The following AKAP19 variants were observed in gnomAD, a reference collection of about 807,000 sequenced individuals.
The protein encoded by AKAP19 is small A-kinase anchoring protein.
the AKAP19 span, among the ~76,000 whole-genome samples, chr2:190,132,333 G>A: frequency 3.3e-5 from 5 of 152,036 alleles, no homozygotes; most frequent in Non-Finnish European, 5.9e-5. Flanking sequence ...CCTGAATAGC[G>A]AATGCAATCT....
At chr2:190,070,216 A>G in the AKAP19 span, among the ~76,000 whole-genome samples, 18 of 152,176 alleles carry the variant, frequency 1.2e-4, no homozygotes, top group African/African-American at 4.1e-4. Flanking sequence ...ATGTCTACTG[A>G]CTAAATGTAC....
At chr2:189,907,230 C>T in the AKAP19 span, among the ~76,000 whole-genome samples, 1 of 152,064 alleles carries the variant, frequency 6.6e-6, no homozygotes, top group African/African-American at 2.4e-5. Flanking sequence ...ATATATGGGT[C>T]CCACTCCCCA....
the AKAP19 span, among the ~76,000 whole-genome samples, chr2:190,194,475 TATACACACACACAC>T: frequency 4.1e-3 from 518 of 126,904 alleles, 1 homozygote; most frequent in African/African-American, 0.016. Flanking sequence ...GTATCCTGTG[TATACACACACACAC>T]ACACACACAC....
At chr2:190,051,720 T>C in the AKAP19 span, among the ~76,000 whole-genome samples, 1 of 152,316 alleles carries the variant, frequency 6.6e-6, no homozygotes, top group East Asian at 1.9e-4. Context: ...CAGGTCTTGG[T>C]AGATTCTAGA....
chr2:189,899,837 A>G, the AKAP19 span, among the ~76,000 whole-genome samples: 1 of 152,076 alleles, frequency 6.6e-6, no homozygotes, highest in African/African-American at 2.4e-5. Flanking sequence ...TTTTAGATTA[A>G]TTCATGAATT....
the AKAP19 span, among the ~76,000 whole-genome samples, chr2:190,006,541 T>A: frequency 1.3e-5 from 2 of 148,634 alleles, no homozygotes; most frequent in East Asian, 4.0e-4. Flanking sequence ...TCCCAGCTAC[T>A]GGGGAGGCTG....
At chr2:189,997,897 C>G in the AKAP19 span, among the ~76,000 whole-genome samples, 6 of 152,176 alleles carry the variant, frequency 3.9e-5, no homozygotes, top group Admixed American at 3.9e-4. Flanking sequence ...ATTCTGCCAG[C>G]TGCCTTCCCC....
At chr2:189,988,042 G>C in the AKAP19 span, among the ~76,000 whole-genome samples, 3 of 152,080 alleles carry the variant, frequency 2.0e-5, no homozygotes, top group Non-Finnish European at 2.9e-5. Context: ...GTGCTGATTG[G>C]TTGGCTCAGG....
At chr2:190,053,094 T>A in the AKAP19 span, among the ~76,000 whole-genome samples, 1 of 152,174 alleles carries the variant, frequency 6.6e-6, no homozygotes, top group Non-Finnish European at 1.5e-5. Flanking sequence ...AAAAGTGGAA[T>A]CAATGAAAAC....
At chr2:190,038,913 C>CTTTCTTTCT in the AKAP19 span, among the ~76,000 whole-genome samples, 11 of 113,650 alleles carry the variant, frequency 9.7e-5, no homozygotes, top group African/African-American at 3.7e-4. Flanking sequence ...TCTTCTTCTT[C>CTTTCTTTCT]TTCTTCTTCT....
At chr2:190,029,837 T>C in the AKAP19 span, among the ~76,000 whole-genome samples, 1 of 152,116 alleles carries the variant, frequency 6.6e-6, no homozygotes, top group African/African-American at 2.4e-5. Context: ...CACCCATGCA[T>C]ACACACACAG....
the AKAP19 span, among the ~76,000 whole-genome samples, chr2:190,176,868 C>T: frequency 3.0e-3 from 464 of 152,290 alleles, no homozygotes; most frequent in African/African-American, 1.0e-2. The surrounding 1 kb of genome is among the most constrained non-coding windows in gnomAD (Gnocchi z 4.7). Flanking sequence ...AAAATCTTAG[C>T]AAATACGAGG....
At chr2:190,134,156 A>AG in the AKAP19 span, among the ~76,000 whole-genome samples, 1 of 152,170 alleles carries the variant, frequency 6.6e-6, no homozygotes. Flanking sequence ...GAGAGTGTAC[A>AG]AATGAAACCC....
chr2:189,932,945 C>T, the AKAP19 span, among the ~76,000 whole-genome samples: 18 of 151,948 alleles, frequency 1.2e-4, no homozygotes, highest in South Asian at 8.3e-4. Context: ...TGTTAGGGTC[C>T]GAAAAAGCAA....
the AKAP19 span, among the ~76,000 whole-genome samples, chr2:190,106,361 T>C: frequency 1.6e-4 from 25 of 152,298 alleles, no homozygotes; most frequent in African/African-American, 4.8e-4. Flanking sequence ...TTTTACTGAG[T>C]TGCTCTGCTT....
At chr2:190,056,630 T>C in the AKAP19 span, 3 of 152,572 alleles carry the variant, frequency 2.0e-5, no homozygotes, top group African/African-American at 7.2e-5. Context: ...AACTTACTAT[T>C]TTACTGAATG....
chr2:189,887,289 C>G, the AKAP19 span, among the ~76,000 whole-genome samples: 1 of 152,132 alleles, frequency 6.6e-6, no homozygotes. Flanking sequence ...TCATCCATGT[C>G]CCTGCAAAGA....
At chr2:189,964,240 C>CT in the AKAP19 span, among the ~76,000 whole-genome samples, 1 of 152,104 alleles carries the variant, frequency 6.6e-6, no homozygotes. Context: ...TGAAGGAAGT[C>CT]TTTTTTTCCT....
chr2:190,084,163 G>T, the AKAP19 span, among the ~76,000 whole-genome samples: 1 of 146,182 alleles, frequency 6.8e-6, no homozygotes, highest in Non-Finnish European at 1.5e-5. Flanking sequence ...CATGGTCTCT[G>T]CTCACTGCAA....
Sources: allele counts gnomAD v4.1 joint callset (sites outside exome capture counted in the v4.1 genomes callset), GRCh38; gene constraint gnomAD v4.1.1; non-coding constraint Gnocchi (gnomAD v3.1); transcripts MANE v1.5; gene names NCBI Gene and HGNC (gene_info 2026-07-23, HGNC 2026-07-21).